NLGN1: variants seen among roughly 807,000 people sequenced by gnomAD.
NLGN1 encodes the protein neuroligin-1.
NLGN1 carries 12 observed loss-of-function variants against 65.5 expected under a neutral mutation model. That is an observed-to-expected ratio of 0.18 (90% CI 0.12 to 0.30). NLGN1 has a LOEUF of 0.30. Among genes scored for constraint, NLGN1 ranks in the 10% least tolerant of loss-of-function variants. The pLI is 1.00. For synonymous variants in NLGN1, 350 were observed against 359.5 expected (o/e 0.97, Z 0.30); for missense variants, 750 against 1,007.1 (o/e 0.74, Z 3.46).
intron 1 of NLGN1, among the ~76,000 whole-genome samples, chr3:173,415,943 A>AGAGAGAGAGAGCGCGC (rs141095727): frequency 3.0e-4 from 43 of 142,868 alleles, no homozygotes; most frequent in African/African-American, 1.1e-3. Context: ...AGAGAGAGAG[A>AGAGAGAGAGAGCGCGC]GCTTGGTATA....
chr3:173,750,142 G>A (rs1179594389), intron 3 of NLGN1, among the ~76,000 whole-genome samples: 1 of 152,020 alleles, frequency 6.6e-6, no homozygotes, highest in East Asian at 1.9e-4. Context: ...GATTCGCCCT[G>A]TACCAAAGCA....
intron 2 of NLGN1, among the ~76,000 whole-genome samples, chr3:173,513,582 G>A (rs1303262695): frequency 1.3e-5 from 2 of 152,148 alleles, no homozygotes; most frequent in Non-Finnish European, 2.9e-5. Flanking sequence ...CTTTTCATAA[G>A]TTGTTAACAC....
chr3:173,613,983 CT>C (rs369958132), intron 3 of NLGN1, among the ~76,000 whole-genome samples: 21 of 137,904 alleles, frequency 1.5e-4, no homozygotes, highest in Non-Finnish European at 2.5e-4. Context: ...TCTTCTTCTT[CT>C]TTTTTTTTTC....
At chr3:174,161,446 GT>G (rs1195429725) in intron 4 of NLGN1, among the ~76,000 whole-genome samples, 1 of 151,816 alleles carries the variant, frequency 6.6e-6, no homozygotes, top group African/African-American at 2.4e-5. Flanking sequence ...AAACACTAGG[GT>G]TTAGTTTACG....
chr3:174,262,400 T>C (rs1250699676), intron 4 of NLGN1, among the ~76,000 whole-genome samples: 1 of 129,762 alleles, frequency 7.7e-6, no homozygotes, highest in Non-Finnish European at 1.6e-5. Flanking sequence ...AACTTCTTCC[T>C]GGTTTAGTCT....
chr3:174,167,418 AT>A (rs1438520189), intron 4 of NLGN1, among the ~76,000 whole-genome samples: 1 of 151,820 alleles, frequency 6.6e-6, no homozygotes, highest in Non-Finnish European at 1.5e-5. Context: ...GCTTGGTTAT[AT>A]TTTATTTCTC....
intron 3 of NLGN1, among the ~76,000 whole-genome samples, chr3:173,626,574 T>C (rs752125012): frequency 6.6e-6 from 1 of 152,088 alleles, no homozygotes; most frequent in Non-Finnish European, 1.5e-5. Context: ...ATTTTATATA[T>C]GGCACTTTTG....
intron 3 of NLGN1, among the ~76,000 whole-genome samples, chr3:173,642,583 A>G (rs767988589): frequency 1.3e-5 from 2 of 152,218 alleles, no homozygotes; most frequent in African/African-American, 2.4e-5. Flanking sequence ...TTCATGAGAC[A>G]TGGGGTAGTG....
intron 2 of NLGN1, among the ~76,000 whole-genome samples, chr3:173,543,141 AT>A (rs1286211007): frequency 6.6e-6 from 1 of 152,054 alleles, no homozygotes; most frequent in African/African-American, 2.4e-5. Flanking sequence ...ATATTATTGA[AT>A]TTTTTCTTGT....
At chr3:174,033,348 A>G (rs1056192491) in intron 4 of NLGN1, among the ~76,000 whole-genome samples, 1 of 152,194 alleles carries the variant, frequency 6.6e-6, no homozygotes, top group African/African-American at 2.4e-5. Flanking sequence ...CCAAATTAAC[A>G]TAAATCCTCA....
At chr3:174,094,586 A>G (rs1405558363) in intron 4 of NLGN1, among the ~76,000 whole-genome samples, 2 of 152,022 alleles carry the variant, frequency 1.3e-5, no homozygotes, top group African/African-American at 4.8e-5. Flanking sequence ...TACAAAGCCT[A>G]TTCTTTCTTT....
intron 4 of NLGN1, among the ~76,000 whole-genome samples, chr3:173,872,719 A>T (rs1251082145): frequency 6.6e-6 from 1 of 152,146 alleles, no homozygotes; most frequent in African/African-American, 2.4e-5. Context: ...ACTTGCTTCA[A>T]GGATTTTAGT....
chr3:173,774,260 C>T (rs1779984477), intron 3 of NLGN1, among the ~76,000 whole-genome samples: 1 of 152,130 alleles, frequency 6.6e-6, no homozygotes, highest in South Asian at 2.1e-4. Flanking sequence ...GTCAGTGGCT[C>T]ATACAGGTTC....
At chr3:173,639,199 C>T (rs993508125) in intron 3 of NLGN1, among the ~76,000 whole-genome samples, 1 of 152,190 alleles carries the variant, frequency 6.6e-6, no homozygotes, top group African/African-American at 2.4e-5. Flanking sequence ...AACAATTTTC[C>T]TGGCCTGCAT....
chr3:174,090,834 A>G (rs984789556), intron 4 of NLGN1, among the ~76,000 whole-genome samples: 1 of 152,148 alleles, frequency 6.6e-6, no homozygotes, highest in Admixed American at 6.5e-5. Flanking sequence ...CCAGCAGTAT[A>G]AACATCATCA....
At chr3:173,789,951 C>T (rs1426696143) in intron 3 of NLGN1, 7 of 477,226 alleles carry the variant, frequency 1.5e-5, no homozygotes, top group Non-Finnish European at 2.9e-5. Context: ...CTGCAGAGCA[C>T]AGTCCCTACC....
chr3:173,897,266 G>A (rs1164684418), intron 4 of NLGN1, among the ~76,000 whole-genome samples: 1 of 152,122 alleles, frequency 6.6e-6, no homozygotes, highest in Non-Finnish European at 1.5e-5. Flanking sequence ...ATCATCACCT[G>A]ACTAGCATCT....
intron 3 of NLGN1, among the ~76,000 whole-genome samples, chr3:173,719,690 T>C (rs1770502445): frequency 6.6e-6 from 1 of 152,222 alleles, no homozygotes; most frequent in South Asian, 2.1e-4. Flanking sequence ...GACACTATGC[T>C]GGAGACAGAA....
chr3:174,140,206 AT>A lies in NLGN1; in HGVS notation c.647-135101del, dbSNP rs569923847. On this transcript the variant is annotated intron_variant, in intron 4 of 6. Coordinates refer to ENST00000457714, the Ensembl canonical transcript of NLGN1. ...GCTTTAAACATAGAGTTCATCTGTG[AT>A]TTTTTTTGCCAGATAAATTTATATA... Among the ~76,000 whole-genome samples, 587 of 151,964 alleles carry A rather than the reference AT, an allele frequency of 3.9e-3. 4 individuals are homozygous for A. The highest frequency in any genetic ancestry group is 6.8e-3 in the Middle Eastern group (2 of 294).
Sources: allele counts gnomAD v4.1 joint callset (sites outside exome capture counted in the v4.1 genomes callset), GRCh38; gene constraint gnomAD v4.1.1; transcripts MANE v1.5; gene names NCBI Gene and HGNC (gene_info 2026-07-23, HGNC 2026-07-21).